RNF216: variants seen among roughly 807,000 people sequenced by gnomAD.
The protein encoded by RNF216 is E3 ubiquitin-protein ligase RNF216.
Under a neutral mutation model 110.8 loss-of-function variants are expected in RNF216, and 72 were observed. The ratio of observed to expected loss-of-function variants is 0.65; its 90% CI spans 0.54 to 0.79. The LOEUF is 0.79. Among genes scored for constraint, RNF216 ranks in the 30% least tolerant of loss-of-function variants. RNF216 has a pLI of 0.00. For synonymous variants in RNF216, 495 were observed against 407.5 expected, an observed-to-expected ratio of 1.21 and a Z score of -2.59; for missense variants, 1,342 against 1,141.2, an observed-to-expected ratio of 1.18 and a Z score of -2.54.
At chr7:5,722,261 T>C (rs1793472293) in intron 8 of RNF216, among the ~76,000 whole-genome samples, 11 of 152,110 alleles carry the variant, frequency 7.2e-5, no homozygotes, top group Admixed American at 7.2e-4. Flanking sequence ...CTCATTCAGA[T>C]TTTCAATTTA....
chr7:5,641,360 C>A lies in RNF216; in HGVS notation c.2176G>T (p.Ala726Ser). Reference protein sequence around the residue: ...YRTSIEEKMTAARIRKCHKCG... With the variant: ...YRTSIEEKMTSARIRKCHKCG... ...TTGTGGCATTTTCTAATGCGGGCAG[C>A]AGTCATTTTTTCTTCACTGAAATAA... is the stretch of plus-strand genomic sequence containing the variant. The change falls in exon 15 of 17, where the codon GCT becomes TCT. Residue 726 changes from alanine (A) to serine (S), a missense_variant. By Grantham distance (99) the Ala-to-Ser change is moderately conservative. Coordinates refer to ENST00000389902, the MANE Select transcript of RNF216 (RefSeq NM_207111.4). 1 of 1,613,120 alleles carries A rather than the reference C, an allele frequency of 6.2e-7. No homozygotes were observed. The highest frequency in any genetic ancestry group is 8.5e-7 in the Non-Finnish European group (1 of 1,179,416).
Position 5,725,427 on chromosome 7 carries a change from A to T in RNF216, c.1401T>A (p.Asp467Glu). ...HYAITRKALS[D>E]AIKKWQELSP... ...ACAGCTCCTGCCATTTTTTAATGGC[A>T]TCAGACAAGGCCTAAAAATTGAGAA... The change falls in exon 8 of 17, where the codon GAT becomes GAA. Residue 467 changes from aspartate to glutamate, a missense_variant. Physicochemically the swap from Asp to Glu is conservative, Grantham distance 45. Transcript: ENST00000389902. 6.2e-7 allele frequency: 1 copy of T among 1,604,674 alleles called. No homozygotes were observed. The highest frequency in any genetic ancestry group is 8.5e-7 in the Non-Finnish European group (1 of 1,171,714).
intron 13 of RNF216, among the ~76,000 whole-genome samples, chr7:5,658,607 T>C (rs1209521392): frequency 6.9e-6 from 1 of 144,648 alleles, no homozygotes; most frequent in Non-Finnish European, 1.5e-5. Flanking sequence ...CAGTGAGCTA[T>C]GATCAAGCTA....
intron 1 of RNF216, among the ~76,000 whole-genome samples, chr7:5,769,558 A>T (rs1262628168): frequency 6.6e-6 from 1 of 151,798 alleles, no homozygotes; most frequent in Non-Finnish European, 1.5e-5. Context: ...CGCTGTCTCT[A>T]CCAACAAACA....
intron 7 of RNF216, among the ~76,000 whole-genome samples, chr7:5,727,987 T>C (rs746996088): frequency 3.0e-4 from 45 of 150,140 alleles, no homozygotes; most frequent in African/African-American, 5.4e-4. Flanking sequence ...CCAAACTTTC[T>C]AGTCCATTCA....
chr7:5,682,327 G>C (rs530354791), intron 13 of RNF216, among the ~76,000 whole-genome samples: 1 of 152,170 alleles, frequency 6.6e-6, no homozygotes, highest in Non-Finnish European at 1.5e-5. Context: ...TAAAAGGGCA[G>C]CCATGGAGCA....
At chr7:5,736,036 T>C (rs1363790357) in intron 5 of RNF216, among the ~76,000 whole-genome samples, 2 of 152,190 alleles carry the variant, frequency 1.3e-5, no homozygotes, top group African/African-American at 4.8e-5. Context: ...GAGGCTGCAG[T>C]GAGCTGAGAT....
chr7:5,676,365 G>A (rs1790297468), intron 13 of RNF216, among the ~76,000 whole-genome samples: 1 of 152,132 alleles, frequency 6.6e-6, no homozygotes, highest in South Asian at 2.1e-4. Context: ...ATAATTTTAT[G>A]CAAACTTTTA....
intron 13 of RNF216, among the ~76,000 whole-genome samples, chr7:5,658,219 G>A (rs895215082): frequency 6.6e-6 from 1 of 152,164 alleles, no homozygotes; most frequent in African/African-American, 2.4e-5. Flanking sequence ...CTACGTCTTA[G>A]TGAAACGCTT....
chr7:5,779,824 G>T (rs1796980932), intron 1 of RNF216, among the ~76,000 whole-genome samples: 1 of 49,506 alleles, frequency 2.0e-5, no homozygotes, highest in Non-Finnish European at 3.9e-5. Context: ...GCCAGACTCC[G>T]CCTCAAAAAA....
At chr7:5,683,271 A>G (rs1014778924) in intron 13 of RNF216, among the ~76,000 whole-genome samples, 21 of 152,050 alleles carry the variant, frequency 1.4e-4, no homozygotes, top group East Asian at 3.9e-4. Context: ...TTAAAAAAAA[A>G]GGGGAAACAA....
rs117016868 is a variant in RNF216 at position 5,689,764 on chromosome 7, G to T, written c.2061+21997C>A. 5.3e-3 allele frequency among the ~76,000 whole-genome samples: 806 copies of T among 152,128 alleles called. 17 individuals carry two copies. In the East Asian group the frequency reaches 0.069, roughly 13 times the overall value. On this transcript the variant is annotated intron_variant, in intron 13 of 16. Transcript: ENST00000389902. ...AGGTTAGGAGTTCAAGACAAGCCTG[G>T]CCTGCGTGGCAAAATTCCGTCTCTA...
chr7:5,638,947 T>C (rs1787567673), intron 15 of RNF216, among the ~76,000 whole-genome samples: 1 of 152,150 alleles, frequency 6.6e-6, no homozygotes, highest in Non-Finnish European at 1.5e-5. Context: ...CTTTTTTCCC[T>C]ACTTATAATT....
At chr7:5,646,691 T>TA (rs548162611) in intron 14 of RNF216, among the ~76,000 whole-genome samples, 2,610 of 140,052 alleles carry the variant, frequency 0.019, 69 homozygotes, top group African/African-American at 0.058. Context: ...GACTCCATCT[T>TA]AAAAAAAAAA....
chr7:5,630,393 T>C (rs951391708), intron 15 of RNF216, among the ~76,000 whole-genome samples: 5 of 151,944 alleles, frequency 3.3e-5, no homozygotes, highest in Non-Finnish European at 7.4e-5. Flanking sequence ...CCTTTTTTTT[T>C]CCCTCTAGAC....
chr7:5,626,709 T>C (rs1786729203), intron 15 of RNF216, among the ~76,000 whole-genome samples: 1 of 151,064 alleles, frequency 6.6e-6, no homozygotes, highest in South Asian at 2.1e-4. Context: ...AGAAAGAAAG[T>C]TGTGCAGCAG....
intron 5 of RNF216, among the ~76,000 whole-genome samples, chr7:5,733,954 A>G (rs910601549): frequency 1.3e-5 from 2 of 152,224 alleles, no homozygotes; most frequent in African/African-American, 4.8e-5. Flanking sequence ...TTTTCCTATA[A>G]ACCTAAAACT....
chr7:5,650,867 A>G (rs2128575586), intron 14 of RNF216, among the ~76,000 whole-genome samples: 1 of 152,198 alleles, frequency 6.6e-6, no homozygotes, highest in African/African-American at 2.4e-5. Flanking sequence ...GAATAATGGT[A>G]CCCACCTGTG....
intron 7 of RNF216, among the ~76,000 whole-genome samples, chr7:5,727,626 G>C (rs1239887127): frequency 3.9e-5 from 6 of 152,140 alleles, no homozygotes; most frequent in Admixed American, 2.6e-4. Context: ...TAGCTACATG[G>C]GAGGCTGAGG....
Sources: gnomAD v4.1 joint callset for allele counts (sites outside exome capture counted in the v4.1 genomes callset) on GRCh38, gnomAD v4.1.1 for gene constraint, MANE v1.5 for transcripts, NCBI Gene and HGNC (gene_info 2026-07-23, HGNC 2026-07-21) for gene names.